The following SLC8A1 variants were observed in gnomAD, a reference collection of about 807,000 sequenced individuals.
SLC8A1 encodes solute carrier family 8 member A1.
SLC8A1 carries 18 observed loss-of-function variants against 68.3 expected under a neutral mutation model. The ratio of observed to expected loss-of-function variants is 0.26; its 90% CI spans 0.18 to 0.39. SLC8A1 has a LOEUF of 0.39. SLC8A1 is among the 10% of genes least tolerant of loss of function. The pLI is 1.00. For missense variants in SLC8A1, 985 were observed against 1,156.7 expected (o/e 0.85, Z 2.15); for synonymous variants, 475 against 415.5 (o/e 1.14, Z -1.74).
At chr2:40,311,065 A>C (rs1329207081) in intron 2 of SLC8A1, among the ~76,000 whole-genome samples, 3 of 152,128 alleles carry the variant, frequency 2.0e-5, no homozygotes, top group Non-Finnish European at 4.4e-5. Context: ...AATTGTCTAA[A>C]CACCTGGGGT....
intron 1 of SLC8A1, among the ~76,000 whole-genome samples, chr2:40,502,450 GAA>G (rs771158141): frequency 4.6e-5 from 7 of 151,998 alleles, no homozygotes; most frequent in Non-Finnish European, 8.8e-5. Flanking sequence ...TATAGTGTTT[GAA>G]AGATAGTAGA....
rs534232440 is a variant in SLC8A1 at position 40,387,702 on chromosome 2, C to A, written c.1808+40771G>T. ...CCTGTAATCCCAAAACATTGAGAAG[C>A]CTAGCGGGGTGGATCACTTGAGGTC... On this transcript the variant is annotated intron_variant, in intron 2 of 7. Transcript: ENST00000406785. 6.8e-5 allele frequency among the ~76,000 whole-genome samples: 10 copies of A among 148,078 alleles called. No individual in the cohort carries two copies. In the East Asian group the frequency reaches 1.4e-3, roughly 20 times the overall value.
chr2:40,193,430 C>G (rs1020324167), intron 2 of SLC8A1, among the ~76,000 whole-genome samples: 5 of 152,036 alleles, frequency 3.3e-5, no homozygotes. Flanking sequence ...GATTATGCAC[C>G]TCTATGTGTG....
intron 2 of SLC8A1, among the ~76,000 whole-genome samples, chr2:40,211,450 C>T (rs1446462397): frequency 6.6e-6 from 1 of 152,062 alleles, no homozygotes; most frequent in East Asian, 1.9e-4. Context: ...GGAAAGTCAT[C>T]AATGCTGAAG....
At chr2:40,295,598 G>A (rs1314693381) in intron 2 of SLC8A1, among the ~76,000 whole-genome samples, 1 of 152,096 alleles carries the variant, frequency 6.6e-6, no homozygotes, top group Non-Finnish European at 1.5e-5. Context: ...TTATGTGCCA[G>A]ATGCTAAAAG....
At chr2:40,345,755 A>G (rs1204267701) in intron 2 of SLC8A1, among the ~76,000 whole-genome samples, 2 of 152,102 alleles carry the variant, frequency 1.3e-5, no homozygotes, top group Non-Finnish European at 2.9e-5. Context: ...CAGAAAACCA[A>G]ACACTGCATG....
chr2:40,171,187 A>C (rs1011333617), intron 4 of SLC8A1, among the ~76,000 whole-genome samples: 2 of 152,220 alleles, frequency 1.3e-5, no homozygotes, highest in African/African-American at 4.8e-5. Context: ...TCTCAGTTAT[A>C]AAGTGAAGCT....
chr2:40,248,847 G>A (rs2062279679), intron 2 of SLC8A1, among the ~76,000 whole-genome samples: 1 of 152,120 alleles, frequency 6.6e-6, no homozygotes, highest in Admixed American at 6.6e-5. Flanking sequence ...GTTCGTTTCT[G>A]GTTGGACGGA....
chr2:40,125,521 C>G (rs1269364867), intron 7 of SLC8A1, among the ~76,000 whole-genome samples: 2 of 152,150 alleles, frequency 1.3e-5, no homozygotes, highest in Non-Finnish European at 2.9e-5. Flanking sequence ...CAGAGCAGCA[C>G]CAAAATCTTC....
chr2:40,260,137 G>A (rs2064494841), intron 2 of SLC8A1, among the ~76,000 whole-genome samples: 2 of 152,154 alleles, frequency 1.3e-5, no homozygotes, highest in South Asian at 4.1e-4. Flanking sequence ...AGTGAACACA[G>A]GCTTGATTCT....
intron 2 of SLC8A1, 87 bp from the exon 3 acceptor site, chr2:40,178,580 G>A: frequency 9.0e-7 from 1 of 1,113,798 alleles, no homozygotes; most frequent in Non-Finnish European, 1.3e-6. Flanking sequence ...AGGTTAACCA[G>A]CTGCACTTTC....
intron 2 of SLC8A1, among the ~76,000 whole-genome samples, chr2:40,366,462 G>T (rs1676227430): frequency 2.0e-5 from 3 of 151,986 alleles, no homozygotes; most frequent in Non-Finnish European, 4.4e-5. Context: ...GGAACAAATG[G>T]AATAATATGT....
rs538001968 is a variant in SLC8A1 at position 40,459,365 on chromosome 2, T to G, written c.-24-29061A>C. ...AAACAGATAAAATGATATAGGACAG[T>G]ATATTTTTTTTTGTTTTGAAAATTT... On this transcript the variant is annotated intron_variant, in intron 1 of 7. Transcript: ENST00000402441. Among the ~76,000 whole-genome samples, 20 of 105,148 alleles carry G rather than the reference T, an allele frequency of 1.9e-4. No individual in the cohort carries two copies. In the South Asian group the frequency reaches 5.9e-3, roughly 31 times the overall value. 69.0% of individuals were successfully genotyped at this position (105,148 alleles called of 152,430 possible). A position where few individuals can be genotyped will look rare whatever the true frequency, so the allele number is the denominator to read the frequency against.
intron 2 of SLC8A1, among the ~76,000 whole-genome samples, chr2:40,322,344 A>G (rs2075297968): frequency 1.3e-5 from 2 of 151,912 alleles, no homozygotes; most frequent in Admixed American, 1.3e-4. Flanking sequence ...GGAAAAGGAC[A>G]CCATAATTTT....
chr2:40,162,833 A>ATGAG (rs1274701801), intron 5 of SLC8A1, among the ~76,000 whole-genome samples: 1 of 152,188 alleles, frequency 6.6e-6, no homozygotes, highest in Non-Finnish European at 1.5e-5. Flanking sequence ...CCAGGTCCTC[A>ATGAG]GTCACACCAT....
exon 8 of SLC8A1, chr2:40,103,579 G>T (rs1175286112): frequency 6.6e-6 from 1 of 151,970 alleles, no homozygotes; most frequent in Non-Finnish European, 1.5e-5. Flanking sequence ...TTTCCTAAAA[G>T]ATTAAGCACA....
intron 7 of SLC8A1, among the ~76,000 whole-genome samples, chr2:40,118,862 A>G (rs1194272915): frequency 6.6e-6 from 1 of 152,034 alleles, no homozygotes; most frequent in Non-Finnish European, 1.5e-5. Flanking sequence ...GCTGTTCCAT[A>G]GAACACACCT....
At position 40,426,281 on chromosome 2, in the gene SLC8A1, G is replaced by A. The variant is rs75639271; in HGVS notation, c.1808+2192C>T. On this transcript the variant is annotated intron_variant, in intron 2 of 7. Transcript: ENST00000406785. ...CAATTTTATAGAGCAAGAAACTTGC[G>A]ATTGATCTTCAATACTCCTAAGAAC... Among the ~76,000 whole-genome samples, 1,501 of 152,016 alleles carry A rather than the reference G, an allele frequency of 9.9e-3. 21 individuals are homozygous for A. Among genetic ancestry groups the A allele is most frequent in the African/African-American group, 0.034 (1,396 of 41,500 alleles).
intron 2 of SLC8A1, among the ~76,000 whole-genome samples, chr2:40,365,540 G>T (rs777318643): frequency 1.3e-5 from 2 of 152,056 alleles, no homozygotes; most frequent in East Asian, 3.9e-4. Flanking sequence ...CACTACGGTT[G>T]GGGGCAAGGT....
Sources: allele counts gnomAD v4.1 joint callset (sites outside exome capture counted in the v4.1 genomes callset), GRCh38; gene constraint gnomAD v4.1.1; transcripts MANE v1.5; gene names NCBI Gene and HGNC (gene_info 2026-07-23, HGNC 2026-07-21).